The following PDE4DIP variants were observed in gnomAD, a reference collection of about 807,000 sequenced individuals.
PDE4DIP encodes phosphodiesterase 4D interacting protein.
PDE4DIP carries 59 observed loss-of-function variants against 221.4 expected under a neutral mutation model. The observed-to-expected ratio is 0.27, with a 90% CI of 0.22 to 0.33. The LOEUF (loss-of-function observed/expected upper bound fraction) is 0.33, where lower values mean the gene tolerates loss of function less well. Ranked by LOEUF, PDE4DIP falls within the 10% of genes least tolerant of loss-of-function variation. PDE4DIP has a pLI of 1.00. For synonymous variants in PDE4DIP, 404 were observed against 815.9 expected (o/e 0.50, Z 8.60); for missense variants, 1,036 against 2,154.2 (o/e 0.48, Z 10.28).
At chr1:148,946,137 G>T (rs1553483365) in intron 5 of PDE4DIP, among the ~76,000 whole-genome samples, 1 of 152,084 alleles carries the variant, frequency 6.6e-6, no homozygotes, top group African/African-American at 2.4e-5. Context: ...TTTGCAGTGG[G>T]CTTAGAATTT....
intron 1 of PDE4DIP, among the ~76,000 whole-genome samples, chr1:148,919,922 G>T (rs1238835906): frequency 6.9e-6 from 1 of 144,002 alleles, no homozygotes; most frequent in Non-Finnish European, 1.5e-5. Context: ...CTACTATCTT[G>T]CAAAGGTGCA....
intron 5 of PDE4DIP, among the ~76,000 whole-genome samples, chr1:148,949,880 T>C (rs587727592): frequency 6.6e-6 from 1 of 151,260 alleles, no homozygotes; most frequent in South Asian, 2.1e-4. Flanking sequence ...CTGAGTAGTT[T>C]ATTCCCATCT....
At position 149,032,069 on chromosome 1, in the gene PDE4DIP, G is replaced by C. The variant is rs782508958; in HGVS notation, c.*84G>C. ...GGAAAGGTGGGCCTGTCCCCCTTTT[G>C]TGCAGCTACCTATCTGCTGAGGAGC... On this transcript the variant is annotated 3_prime_UTR_variant, in exon 44 of 44. Transcript: ENST00000369354. The C allele has an allele frequency of 1.4e-5, 22 of 1,609,130 alleles. No individual in the cohort carries two copies. In the Admixed American group the frequency reaches 1.8e-4, roughly 13 times the overall value.
At chr1:148,956,052 C>T (rs587710919) in intron 5 of PDE4DIP, among the ~76,000 whole-genome samples, 39 of 152,176 alleles carry the variant, frequency 2.6e-4, no homozygotes, top group African/African-American at 8.7e-4. Flanking sequence ...TCCTTAAGAG[C>T]CTTATGACAA....
chr1:148,938,195 G>C (rs587594632), intron 5 of PDE4DIP: 2 of 161,796 alleles, frequency 1.2e-5, no homozygotes, highest in Non-Finnish European at 2.7e-5. Context: ...AGAAGTTATG[G>C]CAGCTTCCTT....
chr1:148,955,363 G>A (rs1219457206), intron 5 of PDE4DIP, among the ~76,000 whole-genome samples: 1 of 151,766 alleles, frequency 6.6e-6, no homozygotes, highest in Non-Finnish European at 1.5e-5. Flanking sequence ...CAATATTGTA[G>A]AACGTTACAT....
intron 37 of PDE4DIP, among the ~76,000 whole-genome samples, chr1:149,023,595 TAC>T (rs2073858355): frequency 6.8e-6 from 1 of 146,128 alleles, no homozygotes; most frequent in African/African-American, 2.5e-5. Context: ...GTCATATATG[TAC>T]ATGTATATGT....
At chr1:148,948,473 A>G (rs77058900) in intron 5 of PDE4DIP, among the ~76,000 whole-genome samples, 13 of 140,190 alleles carry the variant, frequency 9.3e-5, no homozygotes, top group Non-Finnish European at 1.7e-4. Context: ...CTCCGTCTCA[A>G]AAAAAAAAAA....
At chr1:148,919,340 CA>C (rs1405125954) in intron 1 of PDE4DIP, among the ~76,000 whole-genome samples, 1 of 151,532 alleles carries the variant, frequency 6.6e-6, no homozygotes, top group Non-Finnish European at 1.5e-5. Flanking sequence ...TGGGGACGAC[CA>C]GTTTAAGGTC....
chr1:148,914,424 T>TGA (rs1467783034), intron 1 of PDE4DIP, among the ~76,000 whole-genome samples: 21 of 151,606 alleles, frequency 1.4e-4, no homozygotes, highest in African/African-American at 5.1e-4. Flanking sequence ...GTCAGGAGTT[T>TGA]GAGACCAGCC....
intron 21 of PDE4DIP, chr1:148,989,292 TA>T: frequency 2.8e-6 from 2 of 705,868 alleles, no homozygotes; most frequent in Non-Finnish European, 3.7e-6. Context: ...TGAGCTAGCT[TA>T]AAAAAGAGAG....
intron 22 of PDE4DIP, among the ~76,000 whole-genome samples, chr1:148,996,637 A>G (rs1177126571): frequency 6.6e-6 from 1 of 152,138 alleles, no homozygotes; most frequent in Non-Finnish European, 1.5e-5. Context: ...ACCATTGCAC[A>G]TGCATACTGT....
chr1:148,929,342 G>A (rs1473634952), intron 2 of PDE4DIP, 69 bp downstream of exon 5: 83 of 1,489,572 alleles, frequency 5.6e-5, no homozygotes, highest in Non-Finnish European at 6.8e-5. Context: ...AATAGATTTG[G>A]AACCAAATTC....
At chr1:148,980,886 T>C (rs587680624) in intron 20 of PDE4DIP, among the ~76,000 whole-genome samples, 171 of 152,366 alleles carry the variant, frequency 1.1e-3, no homozygotes, top group African/African-American at 3.8e-3. Context: ...TGGTTCTACT[T>C]GGCTCAGTCT....
chr1:148,882,791 C>T, intron 3 of PDE4DIP, among the ~76,000 whole-genome samples: 1 of 135,548 alleles, frequency 7.4e-6, no homozygotes, highest in Non-Finnish European at 1.6e-5. Flanking sequence ...TTTATTACAT[C>T]TAACTCTACT....
chr1:148,992,924 G>A (rs1357186412), intron 22 of PDE4DIP: 5 of 1,052,624 alleles, frequency 4.8e-6, no homozygotes, highest in Non-Finnish European at 5.7e-6. Context: ...CCAATAAGAA[G>A]AGCCCAAATA....
exon 18 of PDE4DIP, chr1:148,977,957 G>A (rs2060491009): frequency 6.2e-7 from 1 of 1,614,120 alleles, no homozygotes; most frequent in Non-Finnish European, 8.5e-7. Context: ...CTGCTCTACA[G>A]TCCATGATGG....
intron 5 of PDE4DIP, chr1:148,942,247 TCAGAGTCTTC>T (rs2050702808): frequency 6.6e-6 from 1 of 151,448 alleles, no homozygotes; most frequent in African/African-American, 2.4e-5. Context: ...GAAGTTCACT[TCAGAGTCTTC>T]ATTCTCTCAA....
At chr1:148,824,259 G>C (rs587731013) in intron 1 of PDE4DIP, among the ~76,000 whole-genome samples, 1 of 148,276 alleles carries the variant, frequency 6.7e-6, no homozygotes, top group Non-Finnish European at 1.5e-5. Flanking sequence ...TGAAAGGTCC[G>C]TTTTCAGACT....
Sources: allele counts gnomAD v4.1 joint callset (sites outside exome capture counted in the v4.1 genomes callset), GRCh38; gene constraint gnomAD v4.1.1; transcripts MANE v1.5; gene names NCBI Gene and HGNC (gene_info 2026-07-23, HGNC 2026-07-21).